COL22A1: variants seen among roughly 807,000 people sequenced by gnomAD.
COL22A1 encodes collagen type XXII alpha 1 chain.
COL22A1 carries 221 observed loss-of-function variants against 248.9 expected under a neutral mutation model. The observed-to-expected ratio is 0.89, with a 90% CI of 0.80 to 0.99. COL22A1 has a LOEUF of 0.99. Among genes scored for constraint, COL22A1 ranks in the 50% least tolerant of loss-of-function variants. The pLI is 0.00. For missense variants in COL22A1, 2,240 were observed against 2,179.0 expected, an observed-to-expected ratio of 1.03 and a Z score of -0.56; for synonymous variants, 891 against 793.4, an observed-to-expected ratio of 1.12 and a Z score of -2.07.
chr8:138,677,843 G>C (rs755339737), intron 40 of COL22A1, among the ~76,000 whole-genome samples: 2 of 152,246 alleles, frequency 1.3e-5, no homozygotes, highest in African/African-American at 2.4e-5. Context: ...AGTCAAGCTT[G>C]AGGCCAAGAC....
intron 22 of COL22A1, among the ~76,000 whole-genome samples, chr8:138,748,005 G>A (rs1345343066): frequency 2.6e-5 from 4 of 152,170 alleles, no homozygotes; most frequent in Admixed American, 2.0e-4. Context: ...AGAGGAAGAA[G>A]TCCAGGTCGA....
At chr8:138,812,130 C>T (rs906683047) in intron 8 of COL22A1, among the ~76,000 whole-genome samples, 27 of 152,332 alleles carry the variant, frequency 1.8e-4, no homozygotes, top group African/African-American at 6.5e-4. Context: ...GGGTGAACCG[C>T]CCACAGTCTC....
In COL22A1 at chr8:138,792,132, G is replaced by C. The variant is rs547271220; in HGVS notation, c.1596+4687C>G. ...CCATTTCATTCCTGGTGGGTGTCAG[G>C]GCCCCTGAATATTGTAAGATGTGGT... On this transcript the variant is annotated intron_variant, in intron 12 of 64. Transcript: ENST00000303045. Among the ~76,000 whole-genome samples the C allele has an allele frequency of 1.1e-4, 16 of 152,140 alleles. No homozygotes were observed. The East Asian group carries it at 3.1e-3, about 29-fold the overall frequency.
intron 32 of COL22A1, among the ~76,000 whole-genome samples, chr8:138,696,778 C>A (rs1053797945): frequency 6.6e-6 from 1 of 152,242 alleles, no homozygotes; most frequent in Non-Finnish European, 1.5e-5. Context: ...GATGCCAGCT[C>A]ATTCCTCTGC....
At chr8:138,773,576 G>T (rs1206806384) in intron 16 of COL22A1, among the ~76,000 whole-genome samples, 1 of 152,210 alleles carries the variant, frequency 6.6e-6, no homozygotes, top group African/African-American at 2.4e-5. Context: ...CTCTGCCCCA[G>T]CTCGACAGTA....
At position 138,594,163 on chromosome 8, in the gene COL22A1, G is replaced by C; in HGVS notation, c.4469C>G (p.Ala1490Gly). 1.3e-6 allele frequency: 2 copies of C among 1,572,552 alleles called. No homozygotes were observed. The highest frequency in any genetic ancestry group is 1.7e-6 in the Non-Finnish European group (2 of 1,165,924). ...TCTGCCTTGAGATGACTTCATGTAC[G>C]CCGGGGGCATCTGGGCCAGGAGGTA... ...LAYLLAQMPP[A>G]YMKSSQGRPG... Residue 1490 changes from alanine (A) to glycine (G), a missense_variant, in exon 63 of 65, where the codon GCG (alanine) becomes GGG (glycine). Ala to Gly is a moderately conservative substitution (Grantham distance 60). Coordinates refer to ENST00000303045, the MANE Select transcript of COL22A1 (RefSeq NM_152888.3).
chr8:138,886,791 G>T (rs199601924), intron 1 of COL22A1, among the ~76,000 whole-genome samples: 322 of 152,210 alleles, frequency 2.1e-3, no homozygotes, highest in Non-Finnish European at 3.4e-3. Flanking sequence ...CACCATGAAG[G>T]GATTAAAGTC....
Position 138,694,581 on chromosome 8 carries a change from C to T in COL22A1, c.2647-20G>A. The T allele has an allele frequency of 6.2e-7, 1 of 1,613,432 alleles. No homozygotes were observed. Among genetic ancestry groups the T allele is most frequent in the Non-Finnish European group, 8.5e-7 (1 of 1,179,586 alleles). On this transcript the variant is annotated intron_variant, in intron 33 of 64. Coordinates refer to ENST00000303045, the MANE Select transcript of COL22A1 (RefSeq NM_152888.3). ...CAGTCCCTGTAAGCACACAAGTTGC[C>T]ATGAACCAGCTCATCCTCCTGGTTC...
At chr8:138,811,146 C>G (rs1368817814) in intron 9 of COL22A1, among the ~76,000 whole-genome samples, 1 of 152,052 alleles carries the variant, frequency 6.6e-6, no homozygotes, top group East Asian at 1.9e-4. Context: ...AAATCACAGC[C>G]CTGGGCACAC....
intron 3 of COL22A1, among the ~76,000 whole-genome samples, chr8:138,846,143 G>A (rs987756472): frequency 1.3e-5 from 2 of 152,184 alleles, no homozygotes; most frequent in Non-Finnish European, 2.9e-5. Flanking sequence ...ATACAGGAAT[G>A]GGTACAGGCA....
At chr8:138,591,832 A>C (rs2131773983) in intron 63 of COL22A1, among the ~76,000 whole-genome samples, 1 of 152,330 alleles carries the variant, frequency 6.6e-6, no homozygotes, top group South Asian at 2.1e-4. Flanking sequence ...ATATATTCAA[A>C]CCATATTAAC....
intron 3 of COL22A1, among the ~76,000 whole-genome samples, chr8:138,851,488 T>C (rs1348101814): frequency 6.6e-6 from 1 of 152,202 alleles, no homozygotes; most frequent in African/African-American, 2.4e-5. Flanking sequence ...TTACTATGTA[T>C]GAGTGCTACC....
intron 59 of COL22A1, among the ~76,000 whole-genome samples, chr8:138,602,902 C>T (rs988439040): frequency 1.1e-4 from 17 of 152,242 alleles, no homozygotes; most frequent in African/African-American, 4.1e-4. Context: ...TTCCTGCCAG[C>T]TGACACCTAA....
Position 138,821,370 on chromosome 8 carries a change from G to A in COL22A1, c.1011C>T (p.Tyr337=). 6.2e-7 allele frequency: 1 copy of A among 1,614,108 alleles called. No homozygotes were observed. Among genetic ancestry groups the A allele is most frequent in the East Asian group, 2.2e-5 (1 of 44,872 alleles). ...CATCTTTCATGGCACCCACAGCGTT[G>A]TACTCGACTGCCTTGTTTTCACCAT... ...RLDGENKAVE[Y]NAVGAMKDAV... Residue 337 remains tyrosine, a synonymous_variant, in exon 7 of 65, where the codon TAC becomes TAT. Transcript: ENST00000303045.
chr8:138,856,045 G>A (rs1474616425), intron 3 of COL22A1, among the ~76,000 whole-genome samples: 2 of 152,224 alleles, frequency 1.3e-5, no homozygotes, highest in Non-Finnish European at 2.9e-5. Context: ...GGGCTGGGGT[G>A]GGGGACTTGC....
intron 12 of COL22A1, among the ~76,000 whole-genome samples, chr8:138,792,673 C>T (rs1816168847): frequency 1.3e-5 from 2 of 152,186 alleles, no homozygotes; most frequent in Admixed American, 1.3e-4. Context: ...TCTGAAGTTG[C>T]TTCATTTACC....
chr8:138,806,403 G>A (rs1054738131), intron 10 of COL22A1, among the ~76,000 whole-genome samples: 1 of 151,856 alleles, frequency 6.6e-6, no homozygotes, highest in South Asian at 2.1e-4. Context: ...GGTGTGAGAT[G>A]AGGGAGGGAG....
chr8:138,871,362 G>T (rs539516762), intron 3 of COL22A1, among the ~76,000 whole-genome samples: 4 of 152,176 alleles, frequency 2.6e-5, no homozygotes, highest in Non-Finnish European at 5.9e-5. Context: ...GATGAGAACA[G>T]TCCTGCTCCC....
intron 61 of COL22A1, among the ~76,000 whole-genome samples, chr8:138,597,748 C>T (rs769314048): frequency 2.0e-5 from 3 of 152,188 alleles, no homozygotes; most frequent in Non-Finnish European, 4.4e-5. Context: ...TTTATTCTGA[C>T]CAAGAATCTT....
Sources: allele counts gnomAD v4.1 joint callset (sites outside exome capture counted in the v4.1 genomes callset), GRCh38; gene constraint gnomAD v4.1.1; transcripts MANE v1.5; gene names NCBI Gene and HGNC (gene_info 2026-07-23, HGNC 2026-07-21).